Variants in SLC6A16 observed in about 807,000 individuals in gnomAD.
SLC6A16 encodes orphan sodium- and chloride-dependent neurotransmitter transporter NTT5.
Under a neutral mutation model 65.4 loss-of-function variants are expected in SLC6A16, and 54 were observed. The observed-to-expected ratio is 0.83, with a 90% confidence interval of 0.66 to 1.04. The LOEUF (loss-of-function observed/expected upper bound fraction) is 1.04. SLC6A16 is among the 50% of genes least tolerant of loss of function. The pLI, the probability that SLC6A16 is intolerant of heterozygous loss-of-function variation, is 0.00. For missense variants in SLC6A16, 816 were observed against 914.0 expected, an observed-to-expected ratio of 0.89 and a Z score of 1.38; for synonymous variants, 330 against 346.5, an observed-to-expected ratio of 0.95 and a Z score of 0.53.
chr19:49,307,931 T>C (rs1970427455), intron 7 of SLC6A16, among the ~76,000 whole-genome samples: 1 of 149,454 alleles, frequency 6.7e-6, no homozygotes, highest in South Asian at 2.2e-4. Flanking sequence ...CCTCCAAAAT[T>C]GAAAACTTAA....
intron 9 of SLC6A16, 47 bp from the exon 10 acceptor site, chr19:49,293,429 G>T (rs1970119157): frequency 6.3e-7 from 1 of 1,595,356 alleles, no homozygotes; most frequent in Middle Eastern, 1.7e-4. Flanking sequence ...TCACGGCTGG[G>T]TGACAAGGGC....
rs1970047187 is a variant in SLC6A16 at position 49,290,193 on chromosome 19, T to C, written c.2141A>G (p.Glu714Gly). Residue 714 changes from glutamate to glycine, a missense_variant, in exon 12 of 12, where the codon GAG becomes GGG. Transcript: ENST00000335875. The part of the protein sequence containing the change: ...PLSHQLTPSK[E>G]VQKEEILQVD... ...TTGTAGAATTTCTTCCTTTTGAACC[T>C]CTTTACTGGGTGTTAGCTGGTGACT... The C allele has an allele frequency of 6.2e-7, 1 of 1,614,160 alleles. No homozygotes were observed. Among genetic ancestry groups the C allele is most frequent in the East Asian group, 2.2e-5 (1 of 44,888 alleles).
At chr19:49,315,178 T>C (rs183490472) in intron 1 of SLC6A16, among the ~76,000 whole-genome samples, 5 of 152,346 alleles carry the variant, frequency 3.3e-5, no homozygotes, top group Non-Finnish European at 5.9e-5. Flanking sequence ...CTGTAATCAC[T>C]GAGGAGTCAG....
intron 11 of SLC6A16, 35 bp downstream of exon 11, chr19:49,290,570 T>C: frequency 6.2e-7 from 1 of 1,610,900 alleles, no homozygotes; most frequent in Non-Finnish European, 8.5e-7. Flanking sequence ...TGGCCCCTAC[T>C]CCCAAAGGGG....
At chr19:49,340,205 G>C in the SLC6A16 span, 1 of 1,550,418 alleles carries the variant, frequency 6.4e-7, no homozygotes, top group Non-Finnish European at 8.9e-7. Flanking sequence ...CCCCCGTCTC[G>C]CCAGCACCCC....
the SLC6A16 span, chr19:49,338,159 C>G: frequency 6.9e-7 from 1 of 1,457,752 alleles, no homozygotes; most frequent in Non-Finnish European, 9.0e-7. This position sits in a 1 kb window ranked among gnomAD's most constrained non-coding sequence, Gnocchi z 5.0. Context: ...CTCCCAGGCC[C>G]GACGCTCCCC....
At chr19:49,328,534 T>C (rs1166379027), upstream of SLC6A16, among the ~76,000 whole-genome samples, 2 of 152,218 alleles carry the variant, frequency 1.3e-5, no homozygotes, top group Non-Finnish European at 2.9e-5. Context: ...GTGATGGTGT[T>C]GATTAGATCT....
intron 1 of SLC6A16, among the ~76,000 whole-genome samples, chr19:49,313,964 C>T (rs368404403): frequency 5.3e-5 from 8 of 151,878 alleles, no homozygotes; most frequent in African/African-American, 1.7e-4. Context: ...GGCACAGTGG[C>T]GGGCGCCTGT....
rs1722344404 is a variant in SLC6A16, at chr19:49,294,111, CCCTGGAAAACT to C, written c.1417-94_1417-84del. 9.5e-5 allele frequency: 115 copies of C among 1,214,122 alleles called. No homozygotes were observed. In the South Asian group the frequency reaches 1.5e-3, roughly 16 times the overall value. 75.2% of individuals were successfully genotyped at this position (1,214,122 alleles called of 1,614,324 possible). A position where few individuals can be genotyped will look rare whatever the true frequency, so the allele number is the denominator to read the frequency against. On this transcript the variant is annotated intron_variant, in intron 8 of 11. Coordinates refer to ENST00000335875, the MANE Select transcript of SLC6A16 (RefSeq NM_014037.3). Reference sequence around the variant, plus strand: ...TATAGACAAGTATACATTCTATCTTCCCTGGAAAACTCCTGAAAATCCCTGGATCACTGAGA... The same window carrying C: ...TATAGACAAGTATACATTCTATCTTCCCTGAAAATCCCTGGATCACTGAGA...
At chr19:49,308,444 C>T (rs1186547041) in intron 7 of SLC6A16, among the ~76,000 whole-genome samples, 1 of 152,050 alleles carries the variant, frequency 6.6e-6, no homozygotes, top group Non-Finnish European at 1.5e-5. Context: ...AAGAGCGAGA[C>T]TCCATCTCAA....
upstream of SLC6A16, among the ~76,000 whole-genome samples, chr19:49,327,108 T>C (rs943833610): frequency 2.0e-4 from 30 of 151,850 alleles, no homozygotes; most frequent in African/African-American, 7.3e-4. Flanking sequence ...CAATCTCACT[T>C]TGTCACCCAG....
At chr19:49,326,085 G>A (rs866421800), upstream of SLC6A16, among the ~76,000 whole-genome samples, 4 of 151,494 alleles carry the variant, frequency 2.6e-5, no homozygotes, top group Middle Eastern at 3.4e-3. Context: ...CAGGAGAATC[G>A]TTGGAACCCA....
chr19:49,294,053 A>T, intron 8 of SLC6A16, 25 bp from the exon 9 acceptor site: 1 of 1,592,078 alleles, frequency 6.3e-7, no homozygotes, highest in Non-Finnish European at 8.6e-7. Context: ...AAGAGGTGTT[A>T]AAGTGTCATT....
chr19:49,325,323 C>T (rs1024240807), upstream of SLC6A16: 4 of 819,364 alleles, frequency 4.9e-6, no homozygotes, highest in Non-Finnish European at 5.9e-6. Flanking sequence ...CCCACACGCA[C>T]GCACGTGTGC....
At chr19:49,334,584 A>G in the SLC6A16 span, among the ~76,000 whole-genome samples, 29 of 152,016 alleles carry the variant, frequency 1.9e-4, no homozygotes, top group Admixed American at 8.5e-4. Flanking sequence ...TAATCCCAAC[A>G]CTTTGGGAGG....
chr19:49,319,454 T>C (rs1004316556), intron 1 of SLC6A16, among the ~76,000 whole-genome samples: 7 of 150,262 alleles, frequency 4.7e-5, no homozygotes, highest in African/African-American at 1.5e-4. Context: ...CATATACATA[T>C]ACATATGTGT....
chr19:49,337,516 G>C, the SLC6A16 span: 14 of 735,334 alleles, frequency 1.9e-5, 1 homozygote, highest in South Asian at 2.6e-4. Context: ...CAGCTACTTG[G>C]GAGGTCGAGG....
chr19:49,338,260 C>G, the SLC6A16 span: 1 of 1,198,516 alleles, frequency 8.3e-7, no homozygotes, highest in Non-Finnish European at 1.1e-6. The surrounding 1 kb of genome is among the most constrained non-coding windows in gnomAD (Gnocchi z 5.0). Context: ...CGAGAGACTC[C>G]GCCCCCGCCC....
At chr19:49,313,974 T>C (rs1970572455) in intron 1 of SLC6A16, among the ~76,000 whole-genome samples, 1 of 151,866 alleles carries the variant, frequency 6.6e-6, no homozygotes, top group South Asian at 2.1e-4. Context: ...CGGGCGCCTG[T>C]AGTCCCAGCT....
Sources: allele counts gnomAD v4.1 joint callset (sites outside exome capture counted in the v4.1 genomes callset), GRCh38; gene constraint gnomAD v4.1.1; non-coding constraint Gnocchi (gnomAD v3.1); transcripts MANE v1.5; gene names NCBI Gene and HGNC (gene_info 2026-07-23, HGNC 2026-07-21).